KLKB1: variants seen among roughly 807,000 people sequenced by gnomAD.
KLKB1 encodes kallikrein B1, also known as plasma kallikrein.
In KLKB1, 58 loss-of-function variants were observed where a neutral mutation model predicts 73.6. The ratio of observed to expected loss-of-function variants is 0.79; its 90% CI spans 0.64 to 0.98. The LOEUF is 0.98. Among genes scored for constraint, KLKB1 ranks in the 50% least tolerant of loss-of-function variants. The pLI is 0.00. For missense variants in KLKB1, 737 were observed against 763.8 expected (o/e 0.96, Z 0.41); for synonymous variants, 280 against 258.1 (o/e 1.08, Z -0.81).
At chr4:186,248,595 A>ATTTTTTTTTTTTGTTTTTTTTT (rs1738506828) in intron 6 of KLKB1, among the ~76,000 whole-genome samples, 1 of 114,920 alleles carries the variant, frequency 8.7e-6, no homozygotes, top group African/African-American at 3.6e-5. Context: ...TTGTTTCTGG[A>ATTTTTTTTTTTTGTTTTTTTTT]TTTTTTTTTT....
intron 2 of KLKB1, among the ~76,000 whole-genome samples, chr4:186,218,647 TGTGTGC>T (rs1006818630): frequency 1.5e-4 from 22 of 143,198 alleles, no homozygotes; most frequent in South Asian, 5.2e-4. Context: ...TGTGTGTGTG[TGTGTGC>T]GCATGTGTGT....
intron 10 of KLKB1, 50 bp from the exon 11 acceptor site, chr4:186,251,967 C>T: frequency 6.2e-7 from 1 of 1,611,892 alleles, no homozygotes; most frequent in Non-Finnish European, 8.5e-7. Context: ...TTAGAAGGGA[C>T]TTTGATTCAC....
chr4:186,242,486 A>G (rs1251643287), intron 6 of KLKB1, among the ~76,000 whole-genome samples: 1 of 152,108 alleles, frequency 6.6e-6, no homozygotes, highest in Non-Finnish European at 1.5e-5. Flanking sequence ...GGGAGAGATG[A>G]AGCTGAAGGA....
At chr4:186,255,631 G>A (rs1738957574) in intron 12 of KLKB1, among the ~76,000 whole-genome samples, 1 of 152,182 alleles carries the variant, frequency 6.6e-6, no homozygotes, top group African/African-American at 2.4e-5. Context: ...TCCTGGGTCT[G>A]TTGTAATAAT....
In KLKB1 at chr4:186,237,202, G is replaced by A. The variant is rs577032622; in HGVS notation, c.488+262G>A. ...CAACCTCCGCTTCCCGGGTTCAAGCGATTCTCCTGCCTCAGCCTCCCGAGT... is the reference window on the plus strand; with the variant it reads ...CAACCTCCGCTTCCCGGGTTCAAGCAATTCTCCTGCCTCAGCCTCCCGAGT... On this transcript the variant is annotated intron_variant, in intron 5 of 14. Coordinates refer to ENST00000264690, the MANE Select transcript of KLKB1 (RefSeq NM_000892.5). 8.7e-4 allele frequency among the ~76,000 whole-genome samples: 132 copies of A among 152,140 alleles called. 1 individual carries two copies. The highest frequency in any genetic ancestry group is 3.0e-3 in the African/African-American group (125 of 41,498).
At chr4:186,212,837 C>A (rs934260968) in intron 2 of KLKB1, 2 of 152,166 alleles carry the variant, frequency 1.3e-5, no homozygotes, top group African/African-American at 4.8e-5. Flanking sequence ...TTAACTATCC[C>A]AAAGAGCCAC....
rs557124823 is a variant in KLKB1 at position 186,221,170 on chromosome 4, TTTTA to T, written c.202-10953_202-10950del. On this transcript the variant is annotated intron_variant, in intron 2 of 14. Transcript: ENST00000511608. ...GTAATCTTTCCTCCTTCATTTATAA[TTTTA>T]TTTGAGTTTTTTTTCTTTTTCTCCT... 2.0e-4 allele frequency among the ~76,000 whole-genome samples: 31 copies of T among 152,110 alleles called. No individual in the cohort carries two copies. The East Asian group carries it at 3.5e-3, about 17-fold the overall frequency.
intron 5 of KLKB1, among the ~76,000 whole-genome samples, chr4:186,237,411 T>G (rs1426000736): frequency 6.6e-6 from 1 of 152,164 alleles, no homozygotes; most frequent in Non-Finnish European, 1.5e-5. Context: ...ATTTTTTAAT[T>G]AAATAATTCA....
chr4:186,239,482 CTA>C (rs1243581256), intron 6 of KLKB1, among the ~76,000 whole-genome samples: 2 of 133,172 alleles, frequency 1.5e-5, no homozygotes, highest in African/African-American at 2.9e-5. Flanking sequence ...TTATAGGAAA[CTA>C]GTACAGTGAT....
chr4:186,242,824 T>G (rs935989333), intron 6 of KLKB1, among the ~76,000 whole-genome samples: 4 of 151,968 alleles, frequency 2.6e-5, no homozygotes, highest in Non-Finnish European at 5.9e-5. Context: ...ATTAGTCTGT[T>G]CTACCTTTCC....
intron 6 of KLKB1, among the ~76,000 whole-genome samples, chr4:186,240,920 G>A (rs989966696): frequency 1.3e-5 from 2 of 152,190 alleles, no homozygotes; most frequent in African/African-American, 4.8e-5. Flanking sequence ...GAACAGGCAA[G>A]CTCGTGCTGT....
intron 2 of KLKB1, among the ~76,000 whole-genome samples, chr4:186,220,150 A>G (rs1156710233): frequency 2.0e-5 from 3 of 152,028 alleles, no homozygotes; most frequent in Admixed American, 6.6e-5. Context: ...TTGCTAGTGG[A>G]TAGCTAGGGG....
chr4:186,246,122 A>G (rs1158662721), intron 6 of KLKB1, among the ~76,000 whole-genome samples: 1 of 151,978 alleles, frequency 6.6e-6, no homozygotes, highest in African/African-American at 2.4e-5. Context: ...ATGAAACTGT[A>G]AGCTGGACCG....
At chr4:186,234,848 GAAAA>G (rs1737574629) in intron 4 of KLKB1, among the ~76,000 whole-genome samples, 2 of 152,210 alleles carry the variant, frequency 1.3e-5, no homozygotes, top group Non-Finnish European at 2.9e-5. Context: ...ATAAGAAAGT[GAAAA>G]GTGCTGAAAA....
intron 2 of KLKB1, among the ~76,000 whole-genome samples, chr4:186,220,380 G>C (rs1175174128): frequency 6.6e-6 from 1 of 152,106 alleles, no homozygotes; most frequent in African/African-American, 2.4e-5. Context: ...GCTGCTTCAG[G>C]ATGACGGGAA....
At position 186,251,978 on chromosome 4, in the gene KLKB1, T is replaced by C. The variant is rs1049375110; in HGVS notation, c.1145-39T>C. The C allele has an allele frequency of 3.7e-6, 6 of 1,614,040 alleles. No homozygotes were observed. The South Asian group carries it at 6.6e-5, about 18-fold the overall frequency. On this transcript the variant is annotated intron_variant, in intron 10 of 14. Transcript: ENST00000264690. ...TTGGTTAGAAGGGACTTTGATTCAC[T>C]TCTAATTCCAACCATTAGCGTCAAC...
chr4:186,215,289 A>C (rs4862668), intron 2 of KLKB1, among the ~76,000 whole-genome samples: 1 of 149,046 alleles, frequency 6.7e-6, no homozygotes, highest in African/African-American at 2.5e-5. Context: ...TCTATTGGGC[A>C]CTCCTGGGAA....
chr4:186,245,809 T>G (rs75755534), intron 6 of KLKB1, among the ~76,000 whole-genome samples: 16,707 of 90,478 alleles, frequency 0.18, 2,404 homozygotes, highest in South Asian at 0.28. Flanking sequence ...GGAGTTTTTT[T>G]TTGTTTGTTT....
intron 7 of KLKB1, 121 bp from the exon 8 acceptor site, chr4:186,251,098 A>T: frequency 1.5e-6 from 1 of 677,278 alleles, no homozygotes; most frequent in Non-Finnish European, 2.6e-6. Flanking sequence ...CTTTGAAGAG[A>T]GTTTCCCAGA....
Sources: gnomAD v4.1 joint callset for allele counts (sites outside exome capture counted in the v4.1 genomes callset) on GRCh38, gnomAD v4.1.1 for gene constraint, MANE v1.5 for transcripts, NCBI Gene and HGNC (gene_info 2026-07-23, HGNC 2026-07-21) for gene names.